Variants in TGFB2 observed in about 807,000 individuals in gnomAD.
The protein encoded by TGFB2 is transforming growth factor beta 2, also known as transforming growth factor beta-2 proprotein.
In TGFB2, 13 loss-of-function variants were observed where a neutral mutation model predicts 42.7. That is an observed-to-expected ratio of 0.30 (90% CI 0.20 to 0.48). TGFB2 has a LOEUF of 0.48. Ranked by LOEUF, TGFB2 falls within the 20% of genes least tolerant of loss-of-function variation. TGFB2 has a pLI of 0.99. For missense variants in TGFB2, 390 were observed against 517.5 expected (o/e 0.75, Z 2.39); for synonymous variants, 193 against 193.6 (o/e 1.00, Z 0.03).
intron 1 of TGFB2, among the ~76,000 whole-genome samples, chr1:218,383,734 T>A (rs1450282029): frequency 6.6e-6 from 1 of 152,228 alleles, no homozygotes; most frequent in East Asian, 1.9e-4. Context: ...TTTGATTATA[T>A]ATCCCATGAG....
intron 1 of TGFB2, among the ~76,000 whole-genome samples, chr1:218,400,068 A>G (rs914189886): frequency 5.9e-5 from 9 of 152,170 alleles, no homozygotes; most frequent in Non-Finnish European, 8.8e-5. Flanking sequence ...GATTCAGTTC[A>G]ACCAGTTCAT....
chr1:218,378,703 C>T (rs1375427085), intron 1 of TGFB2, among the ~76,000 whole-genome samples: 1 of 151,992 alleles, frequency 6.6e-6, no homozygotes, highest in Non-Finnish European at 1.5e-5. Flanking sequence ...AACTCCTGGC[C>T]CCAAAGGATC....
rs10482718 is a variant in TGFB2, at chr1:218,345,400, A to G, written c.-1302A>G. ...AGCTCCAGAAGCTCCTGACAAGAGA[A>G]AGACAGATTGAGATAGAGATAGAAA... On this transcript the variant is annotated 5_prime_UTR_variant, in exon 1 of 7. Transcript: ENST00000366930. 0.031 allele frequency: 4,655 copies of G among 152,408 alleles called. 96 individuals carry two copies. Among genetic ancestry groups the G allele is most frequent in the East Asian group, 0.08 (413 of 5,176 alleles). The allele number at this position is 152,408 out of a possible 1,614,324, so 9.4% of individuals were successfully genotyped here.
chr1:218,370,537 C>G (rs1002284234), intron 1 of TGFB2, among the ~76,000 whole-genome samples: 3 of 152,102 alleles, frequency 2.0e-5, no homozygotes, highest in African/African-American at 7.2e-5. Flanking sequence ...CATAATGGGC[C>G]TATTGTATAT....
chr1:218,431,032 C>T (rs779831475), intron 2 of TGFB2, among the ~76,000 whole-genome samples: 14 of 152,320 alleles, frequency 9.2e-5, no homozygotes, highest in Non-Finnish European at 1.6e-4. Flanking sequence ...AGTTAACATG[C>T]AACAAGTGGG....
chr1:218,359,982 A>T (rs1657158570), intron 1 of TGFB2, among the ~76,000 whole-genome samples: 2 of 152,122 alleles, frequency 1.3e-5, no homozygotes, highest in African/African-American at 4.8e-5. Context: ...ACCTGATTGG[A>T]TTGTTTTGAG....
chr1:218,398,481 G>A (rs1658598752), intron 1 of TGFB2, among the ~76,000 whole-genome samples: 3 of 152,104 alleles, frequency 2.0e-5, no homozygotes, highest in Non-Finnish European at 4.4e-5. Context: ...CTGTTTCAGA[G>A]CTCATCACAT....
At chr1:218,388,310 A>C (rs1350133267) in intron 1 of TGFB2, among the ~76,000 whole-genome samples, 2 of 152,010 alleles carry the variant, frequency 1.3e-5, no homozygotes, top group East Asian at 3.9e-4. Context: ...ATCCTGAGGG[A>C]AGAGAGGTCA....
chr1:218,423,385 T>C (rs1659518749), intron 2 of TGFB2, among the ~76,000 whole-genome samples: 1 of 152,194 alleles, frequency 6.6e-6, no homozygotes, highest in Non-Finnish European at 1.5e-5. Context: ...AGGGACCACA[T>C]GCTCAGCAAA....
chr1:218,438,610 A>G (rs1299876504), intron 6 of TGFB2, among the ~76,000 whole-genome samples: 2 of 152,204 alleles, frequency 1.3e-5, no homozygotes, highest in African/African-American at 4.8e-5. Context: ...AAAGTAAATG[A>G]GAATCTGAGT....
At chr1:218,349,243 C>T (rs1187639215) in intron 1 of TGFB2, among the ~76,000 whole-genome samples, 7 of 151,758 alleles carry the variant, frequency 4.6e-5, no homozygotes, top group Non-Finnish European at 1.0e-4. Context: ...ATAGCAGGTT[C>T]GATACTACTG....
intron 1 of TGFB2, among the ~76,000 whole-genome samples, chr1:218,402,288 T>TAAAC (rs1226294383): frequency 1.3e-5 from 2 of 152,212 alleles, no homozygotes; most frequent in African/African-American, 4.8e-5. Context: ...AGTTGAAATA[T>TAAAC]AAACAGCCTA....
At chr1:218,422,209 GTTTTTTTGT>G (rs1659477187) in intron 2 of TGFB2, among the ~76,000 whole-genome samples, 3 of 150,700 alleles carry the variant, frequency 2.0e-5, no homozygotes, top group African/African-American at 7.3e-5. Context: ...TGTTTTTTTT[GTTTTTTTGT>G]TTTCTTTTTT....
At position 218,444,313 on chromosome 1, in the gene TGFB2, C is replaced by A. The variant is rs1299335173; in HGVS notation, c.*2951C>A. ...GAGAGATGTTTGCACCATGCTTTGG[C>A]TTTCTGGTTCTATGTTCTGCCAACG... On this transcript the variant is annotated 3_prime_UTR_variant, in exon 7 of 7. Coordinates refer to ENST00000366930, the MANE Select transcript of TGFB2 (RefSeq NM_003238.6). 6.6e-6 allele frequency: 1 copy of A among 152,204 alleles called. No homozygotes were observed. Among genetic ancestry groups the A allele is most frequent in the Admixed American group, 6.5e-5 (1 of 15,276 alleles). 9.4% of individuals were successfully genotyped at this position (152,204 alleles called of 1,614,324 possible).
rs1438407474 is a variant in TGFB2 at position 218,443,053 on chromosome 1, A to G, written c.*1691A>G. The stretch of plus-strand genomic sequence containing the variant: ...AAAGGGGAAAAAAGTCCAGGTCAGC[A>G]TAAGTCATTTTGTGTATTTCACTGA... On this transcript the variant is annotated 3_prime_UTR_variant, in exon 7 of 7. Transcript: ENST00000366930. The G allele has an allele frequency of 2.0e-5, 3 of 152,348 alleles. No individual in the cohort carries two copies. Among genetic ancestry groups the G allele is most frequent in the African/African-American group, 7.2e-5 (3 of 41,586 alleles). 9.4% of individuals were successfully genotyped at this position (152,348 alleles called of 1,614,324 possible).
chr1:218,361,310 AGAAAG>A (rs971126656), intron 1 of TGFB2, among the ~76,000 whole-genome samples: 2 of 152,230 alleles, frequency 1.3e-5, no homozygotes, highest in Non-Finnish European at 2.9e-5. Flanking sequence ...CAAAAAAGAA[AGAAAG>A]GAAAGAAAAG....
intron 2 of TGFB2, among the ~76,000 whole-genome samples, chr1:218,421,211 T>C (rs573687579): frequency 2.0e-5 from 3 of 152,304 alleles, no homozygotes; most frequent in African/African-American, 4.8e-5. Flanking sequence ...GGAAATTCTC[T>C]TTCTTGCTTT....
intron 2 of TGFB2, among the ~76,000 whole-genome samples, chr1:218,415,427 G>T (rs1018842297): frequency 6.6e-6 from 1 of 152,042 alleles, no homozygotes; most frequent in Non-Finnish European, 1.5e-5. Flanking sequence ...GGGCGCGGTG[G>T]CTCATGCCTG....
At chr1:218,386,608 T>C (rs1018094615) in intron 1 of TGFB2, among the ~76,000 whole-genome samples, 1 of 151,938 alleles carries the variant, frequency 6.6e-6, no homozygotes, top group African/African-American at 2.4e-5. Context: ...AACTGAGGAG[T>C]AGAGGCAGAC....
Sources: gnomAD v4.1 joint callset for allele counts (sites outside exome capture counted in the v4.1 genomes callset) on GRCh38, gnomAD v4.1.1 for gene constraint, MANE v1.5 for transcripts, NCBI Gene and HGNC (gene_info 2026-07-23, HGNC 2026-07-21) for gene names.